KDM6A: variants seen among roughly 807,000 people sequenced by gnomAD.
The protein encoded by KDM6A is lysine-specific demethylase 6A.
KDM6A carries 11 observed loss-of-function variants against 117.6 expected under a neutral mutation model. That is an observed-to-expected ratio of 0.09 (90% CI 0.06 to 0.15). The LOEUF (loss-of-function observed/expected upper bound fraction) is 0.15. Ranked by LOEUF, KDM6A falls within the 10% of genes least tolerant of loss-of-function variation. The pLI is 1.00. For missense variants in KDM6A, 799 were observed against 1,077.3 expected (o/e 0.74, Z 3.62); for synonymous variants, 384 against 396.1 (o/e 0.97, Z 0.36).
intron 2 of KDM6A, among the ~76,000 whole-genome samples, chrX:44,922,060 T>TTTTTTTTTTTTTTTG: frequency 1.4e-5 from 1 of 71,564 alleles, no homozygotes; most frequent in Non-Finnish European, 2.7e-5. Flanking sequence ...TTTTTTTTTT[T>TTTTTTTTTTTTTTTG]TTTTAAGAGA....
intron 2 of KDM6A, among the ~76,000 whole-genome samples, chrX:44,893,257 CATAT>C (rs1372838809): frequency 9.0e-6 from 1 of 111,074 alleles, no homozygotes; most frequent in Non-Finnish European, 1.9e-5. Flanking sequence ...ATAATTGATA[CATAT>C]ATATTTTTTG....
At chrX:45,011,552 A>G (rs1044066431) in intron 5 of KDM6A, among the ~76,000 whole-genome samples, 3 of 111,426 alleles carry the variant, frequency 2.7e-5, no homozygotes, top group African/African-American at 9.8e-5. Flanking sequence ...AGTAATATAT[A>G]AGATTTTCTA....
At chrX:45,041,431 A>AC (rs1269529803) in intron 8 of KDM6A, among the ~76,000 whole-genome samples, 967 of 74,646 alleles carry the variant, frequency 0.013, 3 homozygotes, top group East Asian at 0.038. Context: ...GCGGGGACTG[A>AC]CCCCCCCCCA....
intron 4 of KDM6A, among the ~76,000 whole-genome samples, chrX:44,992,281 A>G (rs1184163341): frequency 1.3e-5 from 1 of 75,701 alleles, no homozygotes; most frequent in African/African-American, 5.2e-5. Flanking sequence ...CTGGAGTGCA[A>G]TGGTGCGATC....
chrX:44,974,728 T>A lies in KDM6A; in HGVS notation c.384+13T>A. 2.6e-6 allele frequency: 3 copies of A among 1,145,476 alleles called. No homozygotes were observed. The highest frequency in any genetic ancestry group is 3.6e-6 in the Non-Finnish European group (3 of 834,727). The allele number at this position is 1,145,476 out of a possible 1,213,427, so 94.4% of individuals were successfully genotyped here. A position where few individuals can be genotyped will look rare whatever the true frequency, so the allele number is the denominator to read the frequency against. ...TGACTACTGGAAGGTTAGTGTACATTTGCATGCTGATTTCATGTTTGTGTT... is the reference window on the plus strand; with the variant it reads ...TGACTACTGGAAGGTTAGTGTACATATGCATGCTGATTTCATGTTTGTGTT... On this transcript the variant is annotated intron_variant, in intron 4 of 29. Transcript: ENST00000611820.
intron 4 of KDM6A, among the ~76,000 whole-genome samples, chrX:44,989,379 G>C (rs1156266224): frequency 9.3e-6 from 1 of 107,244 alleles, no homozygotes; most frequent in Non-Finnish European, 1.9e-5. Context: ...CCCTGCTTCG[G>C]CTCACGCTCA....
In KDM6A at chrX:45,033,570, T is replaced by G. The variant is rs1602650948; in HGVS notation, c.565-1361T>G. Among the ~76,000 whole-genome samples the G allele has an allele frequency of 3.6e-5, 4 of 110,923 alleles. No individual in the cohort carries two copies. In the South Asian group the frequency reaches 1.6e-3, roughly 43 times the overall value. On this transcript the variant is annotated intron_variant, in intron 6 of 29. Transcript: ENST00000611820. ...TCAGAGACTTTTATTTTATTTTATT[T>G]TTTTTGAGGTGGAGTCTCTGTCGCC...
chrX:44,877,216 G>A (rs963830810), intron 2 of KDM6A, among the ~76,000 whole-genome samples: 1 of 111,758 alleles, frequency 8.9e-6, no homozygotes, highest in East Asian at 2.8e-4. Flanking sequence ...GTCATTGAAA[G>A]AATTTTTTGT....
At position 44,873,280 on chromosome X, in the gene KDM6A, T is replaced by C; in HGVS notation, c.-272T>C. 1 of 335,099 alleles carries C rather than the reference T, an allele frequency of 3.0e-6. No individual in the cohort carries two copies. The highest frequency in any genetic ancestry group is 8.3e-4 in the Middle Eastern group (1 of 1,204). The allele number at this position is 335,099 out of a possible 1,213,427, so 27.6% of individuals were successfully genotyped here. A position where few individuals can be genotyped will look rare whatever the true frequency, so the allele number is the denominator to read the frequency against. On this transcript the variant is annotated 5_prime_UTR_variant, in exon 1 of 30. Coordinates refer to ENST00000611820, the MANE Select transcript of KDM6A (RefSeq NM_001291415.2). ...CCGCGCGCTCCGGCCGTTCCCGCCGTCCCCGCCTGTGGCTGCCCCCTGCCC... is the reference window on the plus strand; with the variant it reads ...CCGCGCGCTCCGGCCGTTCCCGCCGCCCCCGCCTGTGGCTGCCCCCTGCCC...
chrX:45,102,006 A>G (rs775765513), intron 27 of KDM6A, among the ~76,000 whole-genome samples: 50 of 111,695 alleles, frequency 4.5e-4, no homozygotes, highest in South Asian at 7.5e-4. Context: ...CTAGGTATAG[A>G]ATCTGCTCTT....
At chrX:45,016,360 G>T (rs535232167) in intron 5 of KDM6A, among the ~76,000 whole-genome samples, 1 of 110,990 alleles carries the variant, frequency 9.0e-6, no homozygotes, top group Non-Finnish European at 1.9e-5. Flanking sequence ...AAAATTTGTG[G>T]AATTAGTTGA....
At chrX:44,948,474 A>C (rs1294638652) in intron 2 of KDM6A, among the ~76,000 whole-genome samples, 1 of 112,041 alleles carries the variant, frequency 8.9e-6, no homozygotes, top group East Asian at 2.8e-4. Context: ...AACATTGCAC[A>C]GGGAAGAAAA....
intron 6 of KDM6A, among the ~76,000 whole-genome samples, chrX:45,032,836 G>T (rs1277033028): frequency 1.8e-5 from 2 of 111,933 alleles, no homozygotes; most frequent in Non-Finnish European, 3.8e-5. Flanking sequence ...GGTTTGAAAT[G>T]GTGCATCAGT....
intron 8 of KDM6A, among the ~76,000 whole-genome samples, chrX:45,042,117 C>T (rs1301020018): frequency 1.0e-4 from 11 of 109,074 alleles, no homozygotes; most frequent in Non-Finnish European, 2.1e-4. Context: ...TCAGGCGTGG[C>T]GGCATGCGCC....
intron 8 of KDM6A, among the ~76,000 whole-genome samples, chrX:45,039,178 A>G (rs932944369): frequency 2.2e-4 from 24 of 110,647 alleles, no homozygotes; most frequent in Non-Finnish European, 3.8e-4. Context: ...ATTTCTGGGT[A>G]CCTCAACCCT....
intron 5 of KDM6A, among the ~76,000 whole-genome samples, chrX:45,013,102 T>C (rs1010784226): frequency 2.7e-5 from 3 of 111,397 alleles, no homozygotes; most frequent in African/African-American, 3.3e-5. Flanking sequence ...ATTTAGTTTT[T>C]CCCCCTTAAT....
At chrX:45,047,113 G>GT (rs979436483) in intron 8 of KDM6A, among the ~76,000 whole-genome samples, 6 of 110,530 alleles carry the variant, frequency 5.4e-5, no homozygotes, top group African/African-American at 2.0e-4. Context: ...TTTTTCTCTG[G>GT]TTGCTTTTAA....
chrX:45,027,329 A>T (rs1017937247), intron 6 of KDM6A, among the ~76,000 whole-genome samples: 1 of 100,383 alleles, frequency 1.0e-5, no homozygotes, highest in African/African-American at 4.1e-5. Flanking sequence ...CACGCAACAT[A>T]GTGTGAAACA....
chrX:45,073,508 A>G (rs2044964462), intron 18 of KDM6A, among the ~76,000 whole-genome samples: 1 of 111,240 alleles, frequency 9.0e-6, no homozygotes, highest in South Asian at 3.7e-4. Flanking sequence ...AAGTGTTCCT[A>G]TTTCTCCACA....
Sources: allele counts gnomAD v4.1 joint callset (sites outside exome capture counted in the v4.1 genomes callset), GRCh38; gene constraint gnomAD v4.1.1; transcripts MANE v1.5; gene names NCBI Gene and HGNC (gene_info 2026-07-23, HGNC 2026-07-21).